PPFIA4: variants seen among roughly 807,000 people sequenced by gnomAD.
The protein encoded by PPFIA4 is PPFI scaffold protein A4, also known as liprin-alpha-4.
A neutral mutation model predicts 145.7 loss-of-function variants in PPFIA4; 98 were observed. The observed-to-expected ratio is 0.67, with a 90% confidence interval of 0.57 to 0.80. The LOEUF (loss-of-function observed/expected upper bound fraction) is 0.80, where lower values mean the gene tolerates loss of function less well. Among genes scored for constraint, PPFIA4 ranks in the 30% least tolerant of loss-of-function variants. The pLI is 0.00. For missense variants in PPFIA4, 1,457 were observed against 1,632.7 expected (o/e 0.89, Z 1.85); for synonymous variants, 628 against 649.6 (o/e 0.97, Z 0.51).
rs776719712 is a variant in PPFIA4 at position 203,048,952 on chromosome 1, G to A, written c.1391G>A (p.Arg464Gln). ...TLIQELESSQ[R>Q]QIEEQHHHKG... is the part of the protein sequence containing the mutation. ...ATCCAGGAGTTGGAGAGCTCCCAGCGGCAGATTGAGGAGCAGCACCACCAC... is the reference window on the plus strand; with the variant it reads ...ATCCAGGAGTTGGAGAGCTCCCAGCAGCAGATTGAGGAGCAGCACCACCAC... The change falls in exon 12 of 30, where the codon CGG (arginine) becomes CAG (glutamine). Residue 464 changes from arginine to glutamine, a missense_variant. By Grantham distance (43) the Arg-to-Gln change is conservative (BLOSUM62 1). Coordinates refer to ENST00000295706, the MANE Select transcript of PPFIA4 (RefSeq NM_001304331.2). This position sits in a 1 kb window ranked among gnomAD's most constrained non-coding sequence, Gnocchi z 5.8. 562 of 1,548,614 alleles carry A rather than the reference G, an allele frequency of 3.6e-4. No individual in the cohort carries two copies. Among genetic ancestry groups the A allele is most frequent in the Non-Finnish European group, 4.6e-4 (523 of 1,146,882 alleles).
chr1:203,039,045 C>A lies in PPFIA4; in HGVS notation c.37C>A (p.Arg13Ser). ...EVMPTINEGD[R>S]LGPPHGADAD... is the part of the protein sequence containing the mutation. ...GATGCCCACAATCAATGAGGGGGACCGCCTGGGTCCCCCTCATGGCGCCGA... is the reference window on the plus strand; with the variant it reads ...GATGCCCACAATCAATGAGGGGGACAGCCTGGGTCCCCCTCATGGCGCCGA... Residue 13 changes from arginine to serine, a missense_variant, in exon 2 of 30, where the codon CGC becomes AGC. Physicochemically the swap from Arg to Ser is moderately radical, Grantham distance 110. Around this residue, in one of 3 missense-constraint regions of PPFIA4, gnomAD observed 463 missense variants for 459.8 expected, o/e 1.01. Transcript: ENST00000295706. 2 of 1,578,734 alleles carry A rather than the reference C, an allele frequency of 1.3e-6. No individual in the cohort carries two copies. Among genetic ancestry groups the A allele is most frequent in the Non-Finnish European group, 1.7e-6 (2 of 1,164,258 alleles).
At chr1:203,061,468 C>A in intron 23 of PPFIA4, 184 bp from the exon 24 acceptor site, 1 of 586,190 alleles carries the variant, frequency 1.7e-6, no homozygotes, top group Non-Finnish European at 2.9e-6. Context: ...TGCCCCACCT[C>A]AACGCAAACA....
Position 203,045,305 on chromosome 1 carries a change from T to G in PPFIA4, c.667-63T>G, listed in dbSNP as rs1659989637. On this transcript the variant is annotated intron_variant, in intron 6 of 29. Coordinates refer to ENST00000295706, the MANE Select transcript of PPFIA4 (RefSeq NM_001304331.2). ...GCTGTTCCTCCTTCCACCCCTGGGA[T>G]AGGGGAGTGGGGTGGGTGGGATGCT... is the stretch of plus-strand genomic sequence containing the variant. The G allele has an allele frequency of 1.2e-5, 17 of 1,374,922 alleles. No individual in the cohort carries two copies. In the South Asian group the frequency reaches 1.9e-4, roughly 15 times the overall value. 85.2% of individuals were successfully genotyped at this position (1,374,922 alleles called of 1,614,324 possible).
intron 1 of PPFIA4, among the ~76,000 whole-genome samples, chr1:203,027,800 T>C (rs1453129034): frequency 6.6e-6 from 1 of 152,184 alleles, no homozygotes; most frequent in African/African-American, 2.4e-5. Flanking sequence ...ATAGCAGGTA[T>C]TCTGTTAACA....
At position 203,070,455 on chromosome 1, in the gene PPFIA4, G is replaced by T. The variant is rs141154335; in HGVS notation, c.3325-1237G>T. 2.6e-5 allele frequency among the ~76,000 whole-genome samples: 4 copies of T among 152,108 alleles called. No individual in the cohort carries two copies. The East Asian group carries it at 7.7e-4, about 29-fold the overall frequency. ...AAATTAACTGGGTTTGGTAATGCGT[G>T]ACTGTAGTCCCAATTACTCGGGAGG... On this transcript the variant is annotated intron_variant, in intron 27 of 29. Transcript: ENST00000295706.
chr1:203,044,309 G>A (rs1005157515), intron 4 of PPFIA4, 70 bp from the exon 5 acceptor site: 1 of 1,434,832 alleles, frequency 7.0e-7, no homozygotes, highest in African/African-American at 1.4e-5. Flanking sequence ...GGTAGACCAA[G>A]CCCAGTCTCT....
chr1:203,061,714 A>G (rs1219143112), intron 24 of PPFIA4, 36 bp downstream of exon 24: 1 of 1,550,112 alleles, frequency 6.5e-7, no homozygotes, highest in South Asian at 1.2e-5. Context: ...CCAGCTCCCA[A>G]AACTTCAGGA....
At position 203,067,745 on chromosome 1, in the gene PPFIA4, G is replaced by A. The variant is rs779337961; in HGVS notation, c.3101G>A (p.Arg1034Gln). 1.3e-5 allele frequency: 21 copies of A among 1,613,714 alleles called. No homozygotes were observed. Among genetic ancestry groups the A allele is most frequent in the East Asian group, 2.2e-5 (1 of 44,890 alleles). The change falls in exon 26 of 30, where the codon CGG becomes CAG. Residue 1034 changes from arginine (R) to glutamine (Q), a missense_variant. This residue lies in a region of PPFIA4 where 848 missense variants were observed against 1,046.7 expected (regional missense o/e 0.81). Coordinates refer to ENST00000295706, the MANE Select transcript of PPFIA4 (RefSeq NM_001304331.2). ...IMCLKRLNYD[R>Q]KELEKRREES... Reference sequence around the variant, plus strand: ...TGTCTGAAGAGGCTGAATTATGACCGGAAGGAGCTGGAGAAGAGGCGAGAG... The same window carrying A: ...TGTCTGAAGAGGCTGAATTATGACCAGAAGGAGCTGGAGAAGAGGCGAGAG...
rs748035408 is a variant in PPFIA4 at position 203,046,281 on chromosome 1, C to T, written c.1039C>T (p.Leu347=). ...EEKARHLQEL[L]EVAEQKLQQT... Reference sequence around the variant, plus strand: ...GAAGGCCCGACACCTGCAGGAGCTGCTGGAGGTGGCAGAGCAGAAGCTGCA... The same window carrying T: ...GAAGGCCCGACACCTGCAGGAGCTGTTGGAGGTGGCAGAGCAGAAGCTGCA... The change falls in exon 9 of 30, where the codon CTG becomes TTG. Residue 347 remains leucine (L), a synonymous_variant. Coordinates refer to ENST00000295706, the MANE Select transcript of PPFIA4 (RefSeq NM_001304331.2). The T allele has an allele frequency of 8.6e-5, 137 of 1,596,586 alleles. No individual in the cohort carries two copies. Among genetic ancestry groups the T allele is most frequent in the Non-Finnish European group, 1.0e-4 (123 of 1,172,350 alleles).
chr1:203,035,518 C>T (rs1312228642), intron 1 of PPFIA4: 3 of 455,874 alleles, frequency 6.6e-6, no homozygotes, highest in Non-Finnish European at 1.3e-5. Context: ...CACGCACACT[C>T]ACACCCACTC....
chr1:203,078,389 C>T lies in PPFIA4; in HGVS notation c.*1999C>T, dbSNP rs1211683841. Reference sequence around the variant, plus strand: ...CAGTCCCAGCCTCTCCCCTCTACAACTCCTGCCACTGTTGGCCATGTCGTA... The same window carrying T: ...CAGTCCCAGCCTCTCCCCTCTACAATTCCTGCCACTGTTGGCCATGTCGTA... On this transcript the variant is annotated 3_prime_UTR_variant, in exon 30 of 30. Transcript: ENST00000295706. The T allele has an allele frequency of 6.6e-6, 1 of 152,290 alleles. No individual in the cohort carries two copies. The highest frequency in any genetic ancestry group is 1.9e-4 in the East Asian group (1 of 5,202). 9.4% of individuals were successfully genotyped at this position (152,290 alleles called of 1,614,324 possible). A position where few individuals can be genotyped will look rare whatever the true frequency, so the allele number is the denominator to read the frequency against.
Position 203,061,032 on chromosome 1 carries a change from A to G in PPFIA4, c.2847A>G (p.Thr949=). The G allele has an allele frequency of 1.2e-6, 2 of 1,613,928 alleles. No homozygotes were observed. ...EMETLETSTK[T]DSEEGSWAQT... ...AAACTCTGGAAACATCTACTAAAAC[A>G]GTGAGTCTGGCCCTTGGCCTTTGTC... Residue 949 remains threonine, a splice_region_variant and synonymous_variant, in exon 23 of 30, where the codon ACA becomes ACG. Coordinates refer to ENST00000295706, the MANE Select transcript of PPFIA4 (RefSeq NM_001304331.2).
intron 16 of PPFIA4, 108 bp from the exon 17 acceptor site, chr1:203,056,012 G>A: frequency 1.8e-6 from 2 of 1,092,112 alleles, no homozygotes; most frequent in South Asian, 1.4e-5. Flanking sequence ...GGGCCTGTGT[G>A]AGGCACTGAA....
chr1:203,065,193 C>T (rs761114254), intron 25 of PPFIA4, among the ~76,000 whole-genome samples: 18 of 152,172 alleles, frequency 1.2e-4, no homozygotes, highest in East Asian at 1.9e-4. Context: ...AACCCAGGTA[C>T]GCTGACTCAA....
intron 1 of PPFIA4, among the ~76,000 whole-genome samples, chr1:203,029,204 G>A (rs1307595087): frequency 1.3e-5 from 2 of 152,198 alleles, no homozygotes; most frequent in African/African-American, 4.8e-5. Flanking sequence ...TTGCTGCCCA[G>A]CTCATTGCTC....
chr1:203,059,899 G>A (rs774262694), intron 21 of PPFIA4, 48 bp downstream of exon 21: 27 of 1,469,186 alleles, frequency 1.8e-5, no homozygotes, highest in Non-Finnish European at 2.4e-5. Context: ...AGGGAAGGAT[G>A]CTTGGGGTGG....
At chr1:203,032,032 C>T (rs1369205076) in intron 1 of PPFIA4, among the ~76,000 whole-genome samples, 1 of 69,130 alleles carries the variant, frequency 1.4e-5, no homozygotes, top group Non-Finnish European at 3.5e-5. Flanking sequence ...TACAGCCTTT[C>T]TGAGAGAACG....
chr1:203,045,635 G>T (rs1294511906), intron 7 of PPFIA4, 76 bp downstream of exon 7: 3 of 1,475,798 alleles, frequency 2.0e-6, no homozygotes, highest in Non-Finnish European at 2.7e-6. Flanking sequence ...AGGCTCTGGG[G>T]CGTGAGACTG....
In PPFIA4 at chr1:203,055,445, G is replaced by C. The variant is rs915295076; in HGVS notation, c.1843G>C (p.Glu615Gln). The stretch of plus-strand genomic sequence containing the variant: ...CCTCCCTTCCAGGATGATTCAGGAA[G>C]AGAAGGAGTCCACGGAGCTCCGCGC... ...INEEIRMIQE[E>Q]KESTELRAEE... Residue 615 changes from glutamate (E) to glutamine (Q), a missense_variant, in exon 16 of 30, where the codon GAG (glutamate) becomes CAG (glutamine). This residue lies in a region of PPFIA4 where 848 missense variants were observed against 1,046.7 expected (regional missense o/e 0.81). Coordinates refer to ENST00000295706, the MANE Select transcript of PPFIA4 (RefSeq NM_001304331.2). The surrounding 1 kb of genome is among the most constrained non-coding windows in gnomAD (Gnocchi z 4.8). 3.1e-6 allele frequency: 5 copies of C among 1,614,008 alleles called. No individual in the cohort carries two copies. Among genetic ancestry groups the C allele is most frequent in the Non-Finnish European group, 4.2e-6 (5 of 1,179,880 alleles).
Sources: gnomAD v4.1 joint callset for allele counts (sites outside exome capture counted in the v4.1 genomes callset) on GRCh38, gnomAD v4.1.1 for gene constraint, gnomAD v4.1.1 regional missense constraint, Gnocchi (gnomAD v3.1) non-coding constraint, MANE v1.5 for transcripts, NCBI Gene and HGNC (gene_info 2026-07-23, HGNC 2026-07-21) for gene names.